SLC6A20: variants seen among roughly 807,000 people sequenced by gnomAD.
SLC6A20 encodes sodium- and chloride-dependent transporter XTRP3.
A neutral mutation model predicts 64.3 loss-of-function variants in SLC6A20; 73 were observed. The ratio of observed to expected loss-of-function variants is 1.14; its 90% CI spans 0.94 to 1.38. The LOEUF (loss-of-function observed/expected upper bound fraction) is 1.38. Ranked by LOEUF, SLC6A20 falls within the 40% of genes most tolerant of loss-of-function variation. The pLI is 0.00. For synonymous variants in SLC6A20, 347 were observed against 329.6 expected (o/e 1.05, Z -0.57); for missense variants, 725 against 772.8 (o/e 0.94, Z 0.73).
In SLC6A20 at chr3:45,762,938, C is replaced by A. The variant is rs767650575; in HGVS notation, c.1438G>T (p.Val480Leu). Residue 480 changes from valine to leucine, a missense_variant, in exon 9 of 11, where the codon GTG (valine) becomes TTG (leucine). By Grantham distance (32) the Val-to-Leu change is conservative. Coordinates refer to ENST00000358525, the MANE Select transcript of SLC6A20 (RefSeq NM_020208.4). ...CTCCTCAGCCCGTACACGTAGCACA[C>A]GGCAATCGTCTCCACCAGCACGATG... ...LLIVLVETIA[V>L]CYVYGLRRFE... 1 of 1,614,130 alleles carries A rather than the reference C, an allele frequency of 6.2e-7. No homozygotes were observed. The highest frequency in any genetic ancestry group is 2.2e-5 in the East Asian group (1 of 44,876).
chr3:45,762,857 C>T (rs896790747), intron 9 of SLC6A20, 56 bp downstream of exon 9: 180 of 1,599,408 alleles, frequency 1.1e-4, no homozygotes, highest in East Asian at 7.6e-4. Context: ...CCTTGAGGGG[C>T]GTGGCCTCTG....
At chr3:45,793,320 G>A (rs1192863477) in intron 1 of SLC6A20, among the ~76,000 whole-genome samples, 2 of 152,002 alleles carry the variant, frequency 1.3e-5, no homozygotes, top group Non-Finnish European at 2.9e-5. Flanking sequence ...CCGTGCACAG[G>A]TTTATGTAAA....
chr3:45,788,495 T>C (rs974176728), intron 1 of SLC6A20, among the ~76,000 whole-genome samples: 1 of 152,198 alleles, frequency 6.6e-6, no homozygotes, highest in Non-Finnish European at 1.5e-5. Context: ...GTTGTGTACA[T>C]TGAAAGCACT....
At position 45,756,625 on chromosome 3, in the gene SLC6A20, C is replaced by T. The variant is rs1699548143; in HGVS notation, c.*2353G>A. Reference sequence around the variant, plus strand: ...TAAAAAGACATCTCCGGCCAACGTCCCAGGTGAGTGTTTGTGTCTTCAAAG... The same window carrying T: ...TAAAAAGACATCTCCGGCCAACGTCTCAGGTGAGTGTTTGTGTCTTCAAAG... On this transcript the variant is annotated 3_prime_UTR_variant, in exon 11 of 11. Transcript: ENST00000358525. 1 of 152,104 alleles carries T rather than the reference C, an allele frequency of 6.6e-6. No individual in the cohort carries two copies. The highest frequency in any genetic ancestry group is 2.4e-5 in the African/African-American group (1 of 41,402). 9.4% of individuals were successfully genotyped at this position (152,104 alleles called of 1,614,324 possible).
At position 45,784,845 on chromosome 3, in the gene SLC6A20, G is replaced by A. The variant is rs1700146621; in HGVS notation, c.122-2622C>T. 2.6e-5 allele frequency among the ~76,000 whole-genome samples: 4 copies of A among 152,146 alleles called. No individual in the cohort carries two copies. The South Asian group carries it at 8.3e-4, about 32-fold the overall frequency. On this transcript the variant is annotated intron_variant, in intron 1 of 10. Transcript: ENST00000358525. ...AGTATCTGGAGAGGGCCTTCTTACTGCATCATCCCATGGCAGGAGGTGGGA... is the reference window on the plus strand; with the variant it reads ...AGTATCTGGAGAGGGCCTTCTTACTACATCATCCCATGGCAGGAGGTGGGA...
chr3:45,790,013 T>C (rs899595007), intron 1 of SLC6A20, among the ~76,000 whole-genome samples: 1 of 152,186 alleles, frequency 6.6e-6, no homozygotes, highest in African/African-American at 2.4e-5. Context: ...ACGTTGTCTA[T>C]TTGCTAAACC....
chr3:45,780,075 G>A lies in SLC6A20; in HGVS notation c.288C>T (p.Phe96=). The change falls in exon 3 of 11, where the codon TTC becomes TTT. Residue 96 remains phenylalanine, a synonymous_variant. Coordinates refer to ENST00000358525, the MANE Select transcript of SLC6A20 (RefSeq NM_020208.4). ...TGACGTTGTAGTACATGGAGAGGAA[G>A]AAAGAGACCACCACGCTGGCGACCC... is the stretch of plus-strand genomic sequence containing the variant. ...GVGVASVVVS[F]FLSMYYNVIN... 1 of 1,600,966 alleles carries A rather than the reference G, an allele frequency of 6.2e-7. No homozygotes were observed. The highest frequency in any genetic ancestry group is 1.3e-5 in the African/African-American group (1 of 74,828).
rs534257302 is a variant in SLC6A20, at chr3:45,777,970, C to T, written c.355-1982G>A. Among the ~76,000 whole-genome samples, 18 of 152,228 alleles carry T rather than the reference C, an allele frequency of 1.2e-4. 1 individual carries two copies. In the East Asian group the frequency reaches 1.5e-3, roughly 13 times the overall value. ...TTTCACACCTCCCCACCCTGCACCC[C>T]GCACCCCGCAACTTCATCTCCCCAG... On this transcript the variant is annotated intron_variant, in intron 3 of 10. Transcript: ENST00000358525.
chr3:45,779,889 C>T, intron 3 of SLC6A20, 120 bp downstream of exon 3: 2 of 1,084,898 alleles, frequency 1.8e-6, no homozygotes, highest in Non-Finnish European at 1.3e-6. Context: ...ACACCACCCA[C>T]CGGCTCCCCG....
At chr3:45,762,375 T>A (rs1044407364) in intron 9 of SLC6A20, among the ~76,000 whole-genome samples, 1 of 152,176 alleles carries the variant, frequency 6.6e-6, no homozygotes, top group Non-Finnish European at 1.5e-5. Flanking sequence ...CAAGGGACTC[T>A]GAGGCACACT....
At chr3:45,781,436 C>T (rs964094628) in intron 2 of SLC6A20, among the ~76,000 whole-genome samples, 2 of 152,168 alleles carry the variant, frequency 1.3e-5, no homozygotes, top group African/African-American at 4.8e-5. Context: ...TACTTCTGGT[C>T]AGGGTTCCTT....
Position 45,780,105 on chromosome 3 carries a change from G to T in SLC6A20, c.263-5C>A. On this transcript the variant is annotated splice_region_variant and splice_polypyrimidine_tract_variant and intron_variant, in intron 2 of 10. Coordinates refer to ENST00000358525, the MANE Select transcript of SLC6A20 (RefSeq NM_020208.4). ...AGACCACCACGCTGGCGACCCCTGC[G>T]AGGAAGCAGAGGGCCGCGCTGAGGA... 1 of 1,581,946 alleles carries T rather than the reference G, an allele frequency of 6.3e-7. No homozygotes were observed. The highest frequency in any genetic ancestry group is 8.6e-7 in the Non-Finnish European group (1 of 1,163,560).
At chr3:45,774,681 G>A (rs1575430061) in intron 4 of SLC6A20, among the ~76,000 whole-genome samples, 2 of 152,176 alleles carry the variant, frequency 1.3e-5, no homozygotes, top group Admixed American at 1.3e-4. Context: ...CATGGGGGGT[G>A]GGGTGTGGCT....
chr3:45,770,402 C>T, intron 6 of SLC6A20, 31 bp from the exon 7 acceptor site: 1 of 1,609,340 alleles, frequency 6.2e-7, no homozygotes, highest in South Asian at 1.1e-5. Flanking sequence ...TCGACCTTCA[C>T]TGATCAGAAA....
intron 1 of SLC6A20, among the ~76,000 whole-genome samples, chr3:45,786,545 G>A (rs569076540): frequency 2.6e-5 from 4 of 152,200 alleles, no homozygotes; most frequent in East Asian, 3.8e-4. Context: ...TTCCATTCAC[G>A]GTGATGTAGA....
intron 2 of SLC6A20, among the ~76,000 whole-genome samples, 190 bp from the exon 3 acceptor site, chr3:45,780,290 T>C (rs918706936): frequency 3.3e-5 from 5 of 152,184 alleles, no homozygotes; most frequent in Admixed American, 3.3e-4. Flanking sequence ...GGTGATTTCT[T>C]TTTCTCCAAC....
chr3:45,774,205 T>C (rs1200731357), intron 4 of SLC6A20, among the ~76,000 whole-genome samples: 1 of 152,228 alleles, frequency 6.6e-6, no homozygotes, highest in Admixed American at 6.5e-5. Flanking sequence ...TGGGGTACTT[T>C]TCCCAGGGAG....
intron 5 of SLC6A20, 22 bp downstream of exon 5, chr3:45,772,483 G>A: frequency 6.3e-7 from 1 of 1,599,342 alleles, no homozygotes. Context: ...TGCCCGTAGG[G>A]CCCTTCCGCT....
At chr3:45,760,162 T>C in intron 9 of SLC6A20, 140 bp from the exon 10 acceptor site, 1 of 899,674 alleles carries the variant, frequency 1.1e-6, no homozygotes, top group Non-Finnish European at 1.7e-6. Context: ...TGGGCTCCTC[T>C]GTGACACCTT....
Sources: gnomAD v4.1 joint callset for allele counts (sites outside exome capture counted in the v4.1 genomes callset) on GRCh38, gnomAD v4.1.1 for gene constraint, MANE v1.5 for transcripts, NCBI Gene and HGNC (gene_info 2026-07-23, HGNC 2026-07-21) for gene names.